Variants in SLC4A10 observed in about 807,000 individuals in gnomAD.
SLC4A10 encodes the protein solute carrier family 4 member 10, also known as sodium-driven chloride bicarbonate exchanger.
SLC4A10 carries 42 observed loss-of-function variants against 137.7 expected under a neutral mutation model. The observed-to-expected ratio is 0.30, with a 90% confidence interval of 0.24 to 0.39. The LOEUF is 0.39. SLC4A10 is among the 10% of genes least tolerant of loss of function. The pLI, the probability that SLC4A10 is intolerant of heterozygous loss-of-function variation, is 1.00. For synonymous variants in SLC4A10, 474 were observed against 464.1 expected (o/e 1.02, Z -0.27); for missense variants, 925 against 1,355.0 (o/e 0.68, Z 4.98).
chr2:161,783,869 C>G (rs1431507613), intron 2 of SLC4A10, among the ~76,000 whole-genome samples: 1 of 151,424 alleles, frequency 6.6e-6, no homozygotes, highest in African/African-American at 2.4e-5. Context: ...TAACAGAAAA[C>G]AGTACATGAC....
At chr2:161,783,764 A>G (rs1216527312) in intron 2 of SLC4A10, among the ~76,000 whole-genome samples, 5 of 151,786 alleles carry the variant, frequency 3.3e-5, no homozygotes, top group Admixed American at 2.0e-4. Context: ...GAAAATACCT[A>G]TAGAAAGGTA....
intron 1 of SLC4A10, among the ~76,000 whole-genome samples, chr2:161,719,937 G>A (rs935583416): frequency 4.6e-5 from 7 of 152,204 alleles, no homozygotes; most frequent in African/African-American, 1.7e-4. Context: ...TGTTGCCATT[G>A]CGTTTGGTGT....
At chr2:161,858,258 T>A (rs1374391501) in intron 5 of SLC4A10, among the ~76,000 whole-genome samples, 1 of 152,134 alleles carries the variant, frequency 6.6e-6, no homozygotes, top group Admixed American at 6.5e-5. Context: ...CATTTCCTAC[T>A]AGATGAATAT....
intron 10 of SLC4A10, among the ~76,000 whole-genome samples, chr2:161,889,432 G>T (rs1162224911): frequency 6.6e-6 from 1 of 152,024 alleles, no homozygotes; most frequent in East Asian, 1.9e-4. Context: ...TTGGTTGGTA[G>T]GCTATTAATT....
rs545379739 is a variant in SLC4A10 at position 161,935,105 on chromosome 2, G to A, written c.1998-7687G>A. On this transcript the variant is annotated intron_variant, in intron 15 of 26. Coordinates refer to ENST00000446997, the MANE Select transcript of SLC4A10 (RefSeq NM_001178015.2). The stretch of plus-strand genomic sequence containing the variant: ...GTCTGATTTCATTCTTCCACATGTG[G>A]ATATTCAGTTGTCCCAACACCATTT... 5.3e-5 allele frequency among the ~76,000 whole-genome samples: 8 copies of A among 152,202 alleles called. No individual in the cohort carries two copies. The East Asian group carries it at 5.8e-4, about 11-fold the overall frequency.
intron 12 of SLC4A10, among the ~76,000 whole-genome samples, chr2:161,902,861 A>T (rs61743994): frequency 0.054 from 8,191 of 152,238 alleles, 343 homozygotes; most frequent in African/African-American, 0.12. Context: ...CCAAATGAAT[A>T]TTCCTATGCA....
At chr2:161,955,724 A>G (rs1695541946) in intron 19 of SLC4A10, among the ~76,000 whole-genome samples, 1 of 152,162 alleles carries the variant, frequency 6.6e-6, no homozygotes, top group African/African-American at 2.4e-5. Flanking sequence ...TGCAACAAAT[A>G]CTCAGTGTGT....
chr2:161,641,329 T>C (rs1241329011), intron 1 of SLC4A10, among the ~76,000 whole-genome samples: 1 of 152,196 alleles, frequency 6.6e-6, no homozygotes, highest in Non-Finnish European at 1.5e-5. Context: ...ATCAAAACCA[T>C]GTTGAAGAAC....
At chr2:161,854,176 A>C (rs892627706) in intron 4 of SLC4A10, among the ~76,000 whole-genome samples, 1 of 152,214 alleles carries the variant, frequency 6.6e-6, no homozygotes, top group Non-Finnish European at 1.5e-5. Context: ...TAAATTGGTC[A>C]TCTATTAGGA....
chr2:161,806,587 G>T (rs1029514770), intron 3 of SLC4A10, among the ~76,000 whole-genome samples: 1 of 152,052 alleles, frequency 6.6e-6, no homozygotes, highest in African/African-American at 2.4e-5. Context: ...GATCTCTAGG[G>T]CAGGGGTAAA....
intron 5 of SLC4A10, among the ~76,000 whole-genome samples, chr2:161,859,841 C>T (rs2060330086): frequency 6.6e-6 from 1 of 152,000 alleles, no homozygotes; most frequent in South Asian, 2.1e-4. Context: ...ACCTCGTGAT[C>T]CGCCCGCCTC....
At chr2:161,893,729 G>T (rs1360243811) in intron 10 of SLC4A10, among the ~76,000 whole-genome samples, 1 of 151,128 alleles carries the variant, frequency 6.6e-6, no homozygotes, top group Non-Finnish European at 1.5e-5. Context: ...TATTCGAGGG[G>T]GGGACAATAA....
At chr2:161,965,683 G>A (rs932531776) in intron 23 of SLC4A10, among the ~76,000 whole-genome samples, 2 of 152,114 alleles carry the variant, frequency 1.3e-5, no homozygotes, top group Non-Finnish European at 2.9e-5. Context: ...TGCTTTCAAA[G>A]TGATTTAAGA....
intron 2 of SLC4A10, among the ~76,000 whole-genome samples, chr2:161,795,954 C>A (rs1018417274): frequency 6.6e-6 from 1 of 151,936 alleles, no homozygotes; most frequent in Non-Finnish European, 1.5e-5. Flanking sequence ...CAGCTTGTAC[C>A]TTTATGCAGG....
At chr2:161,900,036 G>A (rs747892637) in intron 11 of SLC4A10, among the ~76,000 whole-genome samples, 21 of 151,908 alleles carry the variant, frequency 1.4e-4, no homozygotes, top group Non-Finnish European at 2.5e-4. Flanking sequence ...TTGGAATGGT[G>A]GTCAAGTAAA....
At chr2:161,898,138 A>G (rs896979443) in intron 11 of SLC4A10, among the ~76,000 whole-genome samples, 9 of 152,110 alleles carry the variant, frequency 5.9e-5, no homozygotes, top group Non-Finnish European at 8.8e-5. Context: ...CAAATGTTTT[A>G]ACCTCTCTGT....
chr2:161,776,777 TCC>T (rs1281243011), intron 2 of SLC4A10, among the ~76,000 whole-genome samples: 2 of 151,760 alleles, frequency 1.3e-5, no homozygotes, highest in Non-Finnish European at 2.9e-5. Flanking sequence ...CATACTGTTT[TCC>T]ATAGTGGCTG....
intron 1 of SLC4A10, among the ~76,000 whole-genome samples, chr2:161,645,707 T>C (rs986413433): frequency 6.6e-6 from 1 of 152,078 alleles, no homozygotes; most frequent in African/African-American, 2.4e-5. Flanking sequence ...AAAAATATAA[T>C]ATTCCCCAAA....
intron 1 of SLC4A10, among the ~76,000 whole-genome samples, chr2:161,691,481 T>C (rs1021883223): frequency 3.3e-5 from 5 of 152,142 alleles, no homozygotes; most frequent in Admixed American, 1.3e-4. Context: ...GGGTTGTTTG[T>C]AACACATAGA....
Sources: allele counts gnomAD v4.1 joint callset (sites outside exome capture counted in the v4.1 genomes callset), GRCh38; gene constraint gnomAD v4.1.1; transcripts MANE v1.5; gene names NCBI Gene and HGNC (gene_info 2026-07-23, HGNC 2026-07-21).